The following RPTOR variants were observed in gnomAD, a reference collection of about 807,000 sequenced individuals.
RPTOR encodes regulatory associated protein of MTOR complex 1, also known as regulatory-associated protein of mTOR.
In RPTOR, 21 loss-of-function variants were observed where a neutral mutation model predicts 169.9. The ratio of observed to expected loss-of-function variants is 0.12; its 90% CI spans 0.09 to 0.18. The LOEUF (loss-of-function observed/expected upper bound fraction) is 0.18. Among genes scored for constraint, RPTOR ranks in the 10% least tolerant of loss-of-function variants. The pLI is 1.00. For synonymous variants in RPTOR, 732 were observed against 753.2 expected, an observed-to-expected ratio of 0.97 and a Z score of 0.46; for missense variants, 1,133 against 1,855.9, an observed-to-expected ratio of 0.61 and a Z score of 7.16.
intron 11 of RPTOR, among the ~76,000 whole-genome samples, chr17:80,850,891 A>G (rs571382573): frequency 1.3e-5 from 2 of 152,364 alleles, no homozygotes; most frequent in African/African-American, 4.8e-5. Flanking sequence ...CTCTTCCAGT[A>G]TGCCTGTCTG....
chr17:80,624,070 T>G (rs2065375475), intron 1 of RPTOR, among the ~76,000 whole-genome samples: 1 of 152,070 alleles, frequency 6.6e-6, no homozygotes, highest in Non-Finnish European at 1.5e-5. Context: ...CACCACACAC[T>G]TCTAGCTGCT....
intron 11 of RPTOR, among the ~76,000 whole-genome samples, chr17:80,852,685 T>G (rs967175491): frequency 6.6e-6 from 1 of 151,812 alleles, no homozygotes; most frequent in Non-Finnish European, 1.5e-5. Context: ...GCTAGCCACC[T>G]CCTCTTGCTG....
At position 80,593,170 on chromosome 17, in the gene RPTOR, C is replaced by T. The variant is rs147190425; in HGVS notation, c.163-32521C>T. On this transcript the variant is annotated intron_variant, in intron 1 of 33. Coordinates refer to ENST00000306801, the MANE Select transcript of RPTOR (RefSeq NM_020761.3). Reference sequence around the variant, plus strand: ...AAGAGACAGGATGAAGTGAGCTTGTCACTTCAAGGAAAACAACTGATGGCA... The same window carrying T: ...AAGAGACAGGATGAAGTGAGCTTGTTACTTCAAGGAAAACAACTGATGGCA... 34 of 152,996 alleles carry T rather than the reference C, an allele frequency of 2.2e-4. No homozygotes were observed. The East Asian group carries it at 4.2e-3, about 19-fold the overall frequency. The allele number at this position is 152,996 out of a possible 1,614,324, so 9.5% of individuals were successfully genotyped here.
chr17:80,622,323 C>T (rs967891206), intron 1 of RPTOR, among the ~76,000 whole-genome samples: 2 of 152,192 alleles, frequency 1.3e-5, no homozygotes, highest in African/African-American at 4.8e-5. Context: ...ACCACAGAAA[C>T]GTTTCCAGGA....
At chr17:80,672,766 G>T (rs1234686619) in intron 3 of RPTOR, among the ~76,000 whole-genome samples, 1 of 151,352 alleles carries the variant, frequency 6.6e-6, no homozygotes, top group Non-Finnish European at 1.5e-5. Context: ...CTCCAGCCTG[G>T]GCGACAGAGC....
In RPTOR at chr17:80,964,740, G is replaced by A. The variant is rs1485869420; in HGVS notation, c.*410G>A. 3.6e-6 allele frequency: 1 copy of A among 275,692 alleles called. No homozygotes were observed. 17.1% of individuals were successfully genotyped at this position (275,692 alleles called of 1,614,324 possible). A position where few individuals can be genotyped will look rare whatever the true frequency, so the allele number is the denominator to read the frequency against. The stretch of plus-strand genomic sequence containing the variant: ...AGAGGCAGGCGCTGGGGCTCCTACG[G>A]GTCCCTGGGGCAGCTGTCCCCATCA... On this transcript the variant is annotated 3_prime_UTR_variant, in exon 34 of 34. Transcript: ENST00000306801.
Position 80,860,999 on chromosome 17 carries a change from C to T in RPTOR, c.1509+3099C>T. Reference sequence around the variant, plus strand: ...ACCCTCCTGGGCCCAGTGCTCTGCACCTGGCTGTGACCAGAGAACGCTCCA... The same window carrying T: ...ACCCTCCTGGGCCCAGTGCTCTGCATCTGGCTGTGACCAGAGAACGCTCCA... On this transcript the variant is annotated intron_variant, in intron 13 of 33. Transcript: ENST00000306801. This position sits in a 1 kb window ranked among gnomAD's most constrained non-coding sequence, Gnocchi z 5.8. Among the ~76,000 whole-genome samples the T allele has an allele frequency of 1.4e-5, 2 of 144,692 alleles. 1 individual carries two copies. Among genetic ancestry groups the T allele is most frequent in the Non-Finnish European group, 3.1e-5 (2 of 64,048 alleles). 94.9% of individuals were successfully genotyped at this position (144,692 alleles called of 152,430 possible). A position where few individuals can be genotyped will look rare whatever the true frequency, so the allele number is the denominator to read the frequency against.
Position 80,659,374 on chromosome 17 carries a change from C to A in RPTOR, c.348+15564C>A, listed in dbSNP as rs2065703759. On this transcript the variant is annotated intron_variant, in intron 3 of 33. Transcript: ENST00000306801. This position sits in a 1 kb window ranked among gnomAD's most constrained non-coding sequence, Gnocchi z 4.3. ...TGAAACAGGCTCTCGCTCTGTCACCCAGGCTGGGGTGCAGTGGTGCAATCA... is the reference window on the plus strand; with the variant it reads ...TGAAACAGGCTCTCGCTCTGTCACCAAGGCTGGGGTGCAGTGGTGCAATCA... Among the ~76,000 whole-genome samples, 1 of 152,176 alleles carries A rather than the reference C, an allele frequency of 6.6e-6. No individual in the cohort carries two copies. The highest frequency in any genetic ancestry group is 2.4e-5 in the African/African-American group (1 of 41,438).
intron 6 of RPTOR, among the ~76,000 whole-genome samples, chr17:80,767,599 A>G (rs1773379469): frequency 6.6e-6 from 1 of 152,234 alleles, no homozygotes; most frequent in South Asian, 2.1e-4. Flanking sequence ...GCACCCAGAT[A>G]TCTTTACTAG....
At chr17:80,825,307 G>A (rs1224698873) in intron 9 of RPTOR, among the ~76,000 whole-genome samples, 4 of 151,094 alleles carry the variant, frequency 2.6e-5, no homozygotes, top group South Asian at 2.1e-4. Flanking sequence ...GCCGCGTGGC[G>A]AGTTCGGCAC....
chr17:80,608,257 A>T (rs534673103), intron 1 of RPTOR, among the ~76,000 whole-genome samples: 12 of 152,348 alleles, frequency 7.9e-5, no homozygotes, highest in African/African-American at 2.6e-4. Flanking sequence ...GGCAGCAAAT[A>T]GGAATTTATG....
intron 1 of RPTOR, among the ~76,000 whole-genome samples, chr17:80,584,004 TG>T (rs1347746909): frequency 1.3e-5 from 2 of 152,192 alleles, no homozygotes. Flanking sequence ...GTGAAGGTGC[TG>T]TTGGTTGTTT....
At chr17:80,890,320 C>T (rs1306751326) in intron 17 of RPTOR, among the ~76,000 whole-genome samples, 1 of 152,248 alleles carries the variant, frequency 6.6e-6, no homozygotes, top group Non-Finnish European at 1.5e-5. Context: ...CAGCCTTGAT[C>T]TTCCCTGGAA....
At chr17:80,773,204 G>A (rs1029775078) in intron 6 of RPTOR, among the ~76,000 whole-genome samples, 1 of 152,222 alleles carries the variant, frequency 6.6e-6, no homozygotes, top group Non-Finnish European at 1.5e-5. Flanking sequence ...CAGGTGGGCA[G>A]GCGCTGTTGA....
chr17:80,641,834 G>T (rs1477637567), intron 2 of RPTOR, among the ~76,000 whole-genome samples: 1 of 152,178 alleles, frequency 6.6e-6, no homozygotes, highest in Non-Finnish European at 1.5e-5. Context: ...CTGAAGGTAG[G>T]GGTGACTATG....
rs1439549632 is a variant in RPTOR at position 80,867,323 on chromosome 17, G to A, written c.1509+9423G>A. Among the ~76,000 whole-genome samples the A allele has an allele frequency of 2.6e-5, 4 of 151,400 alleles. No homozygotes were observed. In the East Asian group the frequency reaches 5.8e-4, roughly 22 times the overall value. On this transcript the variant is annotated intron_variant, in intron 13 of 33. Coordinates refer to ENST00000306801, the MANE Select transcript of RPTOR (RefSeq NM_020761.3). ...CATATTACCATCTCAAGAGATGCAG[G>A]CAAAGTATTTTAACAAAATCTGAGA...
At chr17:80,701,383 G>T (rs2066099556) in intron 3 of RPTOR, among the ~76,000 whole-genome samples, 1 of 152,124 alleles carries the variant, frequency 6.6e-6, no homozygotes, top group East Asian at 1.9e-4. Context: ...CTTTTGTTTT[G>T]TTTCTCTGTA....
chr17:80,946,065 T>G (rs548961270), intron 26 of RPTOR, among the ~76,000 whole-genome samples: 1 of 152,224 alleles, frequency 6.6e-6, no homozygotes, highest in South Asian at 2.1e-4. Context: ...CAGTGACACT[T>G]GTAATAGAGG....
chr17:80,923,206 C>T (rs1169255558), intron 22 of RPTOR, among the ~76,000 whole-genome samples: 1 of 152,236 alleles, frequency 6.6e-6, no homozygotes, highest in African/African-American at 2.4e-5. Context: ...ACATCCCGGC[C>T]CACTCGACTC....
Sources: allele counts gnomAD v4.1 joint callset (sites outside exome capture counted in the v4.1 genomes callset), GRCh38; gene constraint gnomAD v4.1.1; non-coding constraint Gnocchi (gnomAD v3.1); transcripts MANE v1.5; gene names NCBI Gene and HGNC (gene_info 2026-07-23, HGNC 2026-07-21).